PTOV1: variants seen among roughly 807,000 people sequenced by gnomAD.
PTOV1 encodes prostate tumor-overexpressed gene 1 protein.
A neutral mutation model predicts 58.0 loss-of-function variants in PTOV1; 20 were observed. The observed-to-expected ratio is 0.34, with a 90% CI of 0.24 to 0.50. PTOV1 has a LOEUF of 0.50. Ranked by LOEUF, PTOV1 falls within the 20% of genes least tolerant of loss-of-function variation. The pLI, the probability that PTOV1 is intolerant of heterozygous loss-of-function variation, is 0.98. For missense variants in PTOV1, 593 were observed against 565.4 expected, an observed-to-expected ratio of 1.05 and a Z score of -0.50; for synonymous variants, 335 against 234.2, an observed-to-expected ratio of 1.43 and a Z score of -3.93.
intron 3 of PTOV1, 37 bp from the exon 4 acceptor site, chr19:49,854,794 A>G (rs969799824): frequency 1.9e-6 from 3 of 1,613,058 alleles, no homozygotes; most frequent in Non-Finnish European, 2.5e-6. Flanking sequence ...GGCCGTGGGG[A>G]TCAGGGCAGC....
chr19:49,858,566 G>A (rs1210717115), exon 10 of PTOV1: 2 of 1,602,930 alleles, frequency 1.2e-6, no homozygotes, highest in South Asian at 1.1e-5. Flanking sequence ...TAGTGCCGCT[G>A]TTCCGGAACT....
At chr19:49,851,343 C>G (rs918557935) in exon 1 of PTOV1, 15 of 1,087,240 alleles carry the variant, frequency 1.4e-5, no homozygotes, top group African/African-American at 1.7e-5. Flanking sequence ...TCCGTCCGCG[C>G]CGTGCCCCGT....
chr19:49,851,854 C>T (rs1467987934), intron 1 of PTOV1: 7 of 989,620 alleles, frequency 7.1e-6, no homozygotes, highest in Non-Finnish European at 8.4e-6. Context: ...GGCAGGAAAC[C>T]TGGAAATGGG....
intron 7 of PTOV1, 32 bp downstream of exon 7, chr19:49,857,814 C>G: frequency 6.2e-7 from 1 of 1,613,118 alleles, no homozygotes; most frequent in Non-Finnish European, 8.5e-7. Flanking sequence ...GACTTGGGAC[C>G]CCCAGATCCT....
rs1301613168 is a variant in PTOV1 at position 49,859,983 on chromosome 19, C to T, written c.1042-3C>T. 1.9e-6 allele frequency: 3 copies of T among 1,613,920 alleles called. No individual in the cohort carries two copies. Among genetic ancestry groups the T allele is most frequent in the African/African-American group, 1.3e-5 (1 of 74,924 alleles). ...TGGTGACACCACGCCCTGTGCCTGC[C>T]AGGCCGGCTGCGTGCACTTTTCCTA... On this transcript the variant is annotated splice_polypyrimidine_tract_variant and splice_region_variant and intron_variant, in intron 10 of 11. Transcript: ENST00000391842.
chr19:49,859,927 T>C (rs2074674929), intron 10 of PTOV1, 59 bp from the exon 11 acceptor site: 3 of 1,568,814 alleles, frequency 1.9e-6, no homozygotes, highest in Non-Finnish European at 2.6e-6. Context: ...GATGCCGTGG[T>C]TGGAGGGATG....
At chr19:49,854,570 C>T (rs1290272865) in intron 2 of PTOV1, 27 bp downstream of exon 2, 2 of 1,612,210 alleles carry the variant, frequency 1.2e-6, no homozygotes, top group African/African-American at 1.3e-5. Context: ...CTGCGGCTGG[C>T]CTCCAGGGTC....
chr19:49,860,320 G>C (rs2074697007), exon 12 of PTOV1: 1 of 1,586,066 alleles, frequency 6.3e-7, no homozygotes, highest in Non-Finnish European at 8.6e-7. Flanking sequence ...TCACAGATGA[G>C]GCCCCCGCAG....
At chr19:49,853,626 T>A (rs1026995460) in intron 1 of PTOV1, among the ~76,000 whole-genome samples, 74 of 144,476 alleles carry the variant, frequency 5.1e-4, no homozygotes, top group East Asian at 4.7e-3. Flanking sequence ...AAAAAAAAAA[T>A]AGTAATAAAA....
chr19:49,857,810 G>T, intron 7 of PTOV1, 28 bp downstream of exon 7: 1 of 1,613,558 alleles, frequency 6.2e-7, no homozygotes, highest in Non-Finnish European at 8.5e-7. Flanking sequence ...CAGGGACTTG[G>T]GACCCCCAGA....
In PTOV1 at chr19:49,851,515, T is replaced by C. The variant is rs1334430473; in HGVS notation, c.171+16T>C. The C allele has an allele frequency of 8.1e-6, 9 of 1,107,128 alleles. No individual in the cohort carries two copies. Among genetic ancestry groups the C allele is most frequent in the Non-Finnish European group, 1.0e-5 (9 of 898,134 alleles). 68.6% of individuals were successfully genotyped at this position (1,107,128 alleles called of 1,614,324 possible). A position where few individuals can be genotyped will look rare whatever the true frequency, so the allele number is the denominator to read the frequency against. On this transcript the variant is annotated intron_variant, in intron 1 of 11. Transcript: ENST00000391842. Reference sequence around the variant, plus strand: ...CCCTCCCATGGTGAGCCCCCCGCCCTTTTTCCAGAGCCTTCCACGGCCCCG... The same window carrying C: ...CCCTCCCATGGTGAGCCCCCCGCCCCTTTTCCAGAGCCTTCCACGGCCCCG...
At chr19:49,851,117 C>G (rs1018055466), upstream of PTOV1, 1 of 1,356,750 alleles carries the variant, frequency 7.4e-7, no homozygotes, top group East Asian at 3.1e-5. Context: ...GCCACGCCCC[C>G]TCGGACGCGC....
chr19:49,851,104 C>A, upstream of PTOV1: 1 of 1,372,902 alleles, frequency 7.3e-7, no homozygotes, highest in South Asian at 1.7e-5. Flanking sequence ...TTGGTACGCT[C>A]CGGCCACGCC....
chr19:49,859,634 C>A (rs1004422282), intron 10 of PTOV1, among the ~76,000 whole-genome samples: 1 of 152,132 alleles, frequency 6.6e-6, no homozygotes, highest in African/African-American at 2.4e-5. Flanking sequence ...TCAGCCCTTG[C>A]TTGTGCTGGG....
At position 49,852,112 on chromosome 19, in the gene PTOV1, T is replaced by G. The variant is rs922535406; in HGVS notation, c.171+613T>G. ...CTTCTCCGGACCCAAAAGATGCACA[T>G]GCTTTTCAGAAACCGTAAGGTTTAC... On this transcript the variant is annotated intron_variant, in intron 1 of 11. Coordinates refer to ENST00000391842, the Ensembl canonical transcript of PTOV1. 83 of 977,464 alleles carry G rather than the reference T, an allele frequency of 8.5e-5. 1 individual carries two copies. The highest frequency in any genetic ancestry group is 2.8e-4 in the South Asian group (6 of 21,124). The allele number at this position is 977,464 out of a possible 1,614,324, so 60.5% of individuals were successfully genotyped here. A position where few individuals can be genotyped will look rare whatever the true frequency, so the allele number is the denominator to read the frequency against.
At chr19:49,860,658 A>G (rs1007206586) in exon 12 of PTOV1, 4 of 413,210 alleles carry the variant, frequency 9.7e-6, no homozygotes, top group Non-Finnish European at 1.3e-5. Flanking sequence ...TCAACTGCCC[A>G]GCAACATGGA....
chr19:49,858,703 G>T (rs776457515), intron 10 of PTOV1, 50 bp downstream of exon 10: 2 of 1,447,794 alleles, frequency 1.4e-6, no homozygotes, highest in South Asian at 1.2e-5. Context: ...GGCAGAGCGA[G>T]CCCGGACCGC....
chr19:49,858,591 T>C (rs2074588595), exon 10 of PTOV1: 1 of 1,606,588 alleles, frequency 6.2e-7, no homozygotes, highest in African/African-American at 1.3e-5. Flanking sequence ...CCTGGTCCAG[T>C]TCCACTTCAC....
At chr19:49,859,553 C>G (rs2122278756) in intron 10 of PTOV1, among the ~76,000 whole-genome samples, 1 of 149,698 alleles carries the variant, frequency 6.7e-6, no homozygotes, top group Admixed American at 6.7e-5. Flanking sequence ...GCCTGGGCGA[C>G]AAGAGCGAAA....
Sources: allele counts gnomAD v4.1 joint callset (sites outside exome capture counted in the v4.1 genomes callset), GRCh38; gene constraint gnomAD v4.1.1; transcripts MANE v1.5; gene names NCBI Gene and HGNC (gene_info 2026-07-23, HGNC 2026-07-21).